The following UST variants were observed in gnomAD, a reference collection of about 807,000 sequenced individuals.
The protein encoded by UST is chondroitin sulfate 2-O-sulfotransferase.
In UST, 21 loss-of-function variants were observed where a neutral mutation model predicts 45.6. The observed-to-expected ratio is 0.46, with a 90% CI of 0.33 to 0.66. The LOEUF is 0.66. UST is among the 30% of genes least tolerant of loss of function. UST has a pLI of 0.02. For missense variants in UST, 463 were observed against 512.4 expected (o/e 0.90, Z 0.93); for synonymous variants, 215 against 200.6 (o/e 1.07, Z -0.61).
intron 4 of UST, among the ~76,000 whole-genome samples, chr6:148,959,920 C>G (rs1780613950): frequency 6.6e-6 from 1 of 151,922 alleles, no homozygotes; most frequent in Non-Finnish European, 1.5e-5. Flanking sequence ...GAAGCCAGAC[C>G]TCCCCACCAT....
chr6:148,904,965 G>A (rs1290923636), intron 2 of UST, among the ~76,000 whole-genome samples: 3 of 152,200 alleles, frequency 2.0e-5, no homozygotes, highest in Admixed American at 6.5e-5. Flanking sequence ...TCAGCAGCAG[G>A]AGTTTGAAGA....
intron 3 of UST, among the ~76,000 whole-genome samples, chr6:148,953,645 C>T (rs926411063): frequency 4.6e-5 from 7 of 151,936 alleles, no homozygotes; most frequent in Non-Finnish European, 1.0e-4. Flanking sequence ...GTGGCGGGCG[C>T]CTGTAGTCCC....
At chr6:148,981,560 A>C (rs1346584428) in intron 5 of UST, among the ~76,000 whole-genome samples, 1 of 152,180 alleles carries the variant, frequency 6.6e-6, no homozygotes, top group Non-Finnish European at 1.5e-5. Flanking sequence ...AATTTGCTGC[A>C]TGTGGGTAGG....
chr6:149,065,014 T>C (rs893954618), intron 7 of UST, among the ~76,000 whole-genome samples: 3 of 152,184 alleles, frequency 2.0e-5, no homozygotes, highest in African/African-American at 7.2e-5. Context: ...TCTTTTAAAA[T>C]GTTTATCAGT....
At chr6:149,026,293 G>C (rs1316664742) in intron 7 of UST, among the ~76,000 whole-genome samples, 1 of 152,162 alleles carries the variant, frequency 6.6e-6, no homozygotes, top group Non-Finnish European at 1.5e-5. Context: ...CTCTAGCCTA[G>C]GTGACAGAGC....
At chr6:148,965,440 G>A (rs1476719403) in intron 5 of UST, among the ~76,000 whole-genome samples, 1 of 152,180 alleles carries the variant, frequency 6.6e-6, no homozygotes, top group Non-Finnish European at 1.5e-5. Flanking sequence ...AAAGTAGGAA[G>A]TGTTGAGGAT....
intron 1 of UST, among the ~76,000 whole-genome samples, chr6:148,838,270 G>A (rs140787898): frequency 6.6e-6 from 1 of 152,310 alleles, no homozygotes; most frequent in East Asian, 1.9e-4. Flanking sequence ...AAAGGGCAGG[G>A]TGGACTCAAG....
chr6:149,072,200 A>G (rs545430443), intron 7 of UST, among the ~76,000 whole-genome samples: 2 of 152,352 alleles, frequency 1.3e-5, no homozygotes, highest in South Asian at 2.1e-4. Flanking sequence ...GCTCCTAGGC[A>G]TATACCCAAA....
chr6:149,025,686 ATGTT>A (rs570074456), intron 7 of UST, among the ~76,000 whole-genome samples: 17 of 152,288 alleles, frequency 1.1e-4, no homozygotes, highest in African/African-American at 3.8e-4. Context: ...AATCCTTATT[ATGTT>A]TGTTTATTAC....
intron 7 of UST, among the ~76,000 whole-genome samples, chr6:149,051,411 GA>G (rs1337924120): frequency 6.6e-6 from 1 of 152,138 alleles, no homozygotes; most frequent in African/African-American, 2.4e-5. Flanking sequence ...GAGCATTCTG[GA>G]AAAAGTGGAA....
intron 1 of UST, among the ~76,000 whole-genome samples, chr6:148,841,587 GT>G (rs34969510): frequency 4.9e-5 from 6 of 122,024 alleles, no homozygotes; most frequent in African/African-American, 8.9e-5. Context: ...TTTTGTTTTT[GT>G]TTTTTTTTTC....
intron 1 of UST, among the ~76,000 whole-genome samples, chr6:148,878,298 G>T (rs868158800): frequency 8.0e-5 from 5 of 62,600 alleles, no homozygotes; most frequent in African/African-American, 6.6e-5. Flanking sequence ...ATGTATGAGT[G>T]GGGGGGGTCA....
chr6:149,004,034 T>G (rs554688181), intron 5 of UST, among the ~76,000 whole-genome samples: 2 of 152,350 alleles, frequency 1.3e-5, no homozygotes, highest in South Asian at 2.1e-4. Flanking sequence ...GATGCCATGT[T>G]TTTTAAAAGA....
At chr6:149,018,616 T>A (rs1233228901) in intron 5 of UST, among the ~76,000 whole-genome samples, 1 of 152,154 alleles carries the variant, frequency 6.6e-6, no homozygotes, top group Non-Finnish European at 1.5e-5. Context: ...GGTGTCTGTA[T>A]ATAAACATCC....
At chr6:148,915,196 G>A (rs1302916968) in intron 2 of UST, among the ~76,000 whole-genome samples, 1 of 152,152 alleles carries the variant, frequency 6.6e-6, no homozygotes, top group East Asian at 1.9e-4. Flanking sequence ...TCAAATGATA[G>A]CAGATTAAAT....
intron 1 of UST, among the ~76,000 whole-genome samples, chr6:148,870,803 AG>A (rs1484877139): frequency 2.6e-5 from 4 of 152,132 alleles, no homozygotes; most frequent in African/African-American, 7.2e-5. Context: ...CCTGGAGTTC[AG>A]GGCCTCTGTT....
intron 4 of UST, among the ~76,000 whole-genome samples, chr6:148,961,682 A>C (rs1158814270): frequency 2.6e-5 from 4 of 152,238 alleles, no homozygotes; most frequent in African/African-American, 9.6e-5. Flanking sequence ...TGGACTTCAC[A>C]GGGAGGTTGT....
At chr6:148,888,051 C>T (rs1778943249) in intron 2 of UST, among the ~76,000 whole-genome samples, 1 of 152,160 alleles carries the variant, frequency 6.6e-6, no homozygotes, top group African/African-American at 2.4e-5. Flanking sequence ...ATACCCGAGA[C>T]TGGGTAATTT....
intron 1 of UST, among the ~76,000 whole-genome samples, chr6:148,850,988 A>G (rs1778092696): frequency 6.6e-6 from 1 of 152,146 alleles, no homozygotes. Flanking sequence ...AACTCCCCAT[A>G]TCATTCAGAA....
Sources: allele counts gnomAD v4.1 joint callset (sites outside exome capture counted in the v4.1 genomes callset), GRCh38; gene constraint gnomAD v4.1.1; transcripts MANE v1.5; gene names NCBI Gene and HGNC (gene_info 2026-07-23, HGNC 2026-07-21).